Variants in POU6F2 observed in about 807,000 individuals in gnomAD.
POU6F2 encodes POU domain, class 6, transcription factor 2.
In POU6F2, 31 loss-of-function variants were observed where a neutral mutation model predicts 71.3. The observed-to-expected ratio is 0.43, with a 90% CI of 0.33 to 0.59. The LOEUF is 0.59. POU6F2 is among the 20% of genes least tolerant of loss of function. The pLI is 0.04. For missense variants in POU6F2, 783 were observed against 856.8 expected, an observed-to-expected ratio of 0.91 and a Z score of 1.07; for synonymous variants, 347 against 355.7, an observed-to-expected ratio of 0.98 and a Z score of 0.27.
chr7:39,378,333 C>T (rs138926985), intron 5 of POU6F2, among the ~76,000 whole-genome samples: 8 of 152,340 alleles, frequency 5.3e-5, no homozygotes, highest in Non-Finnish European at 8.8e-5. Context: ...GAGGCTCCAG[C>T]ACTGACCTCC....
intron 4 of POU6F2, among the ~76,000 whole-genome samples, chr7:39,226,198 C>T (rs570797373): frequency 1.3e-5 from 2 of 152,120 alleles, no homozygotes; most frequent in Admixed American, 1.3e-4. Flanking sequence ...AACTAAAAGT[C>T]CCATCTGGAA....
chr7:39,461,813 C>T (rs1788956420), intron 9 of POU6F2, among the ~76,000 whole-genome samples: 1 of 152,168 alleles, frequency 6.6e-6, no homozygotes, highest in Non-Finnish European at 1.5e-5. Context: ...TAAGATACCT[C>T]CCTGTAGAAA....
intron 4 of POU6F2, among the ~76,000 whole-genome samples, chr7:39,246,478 T>G (rs184901507): frequency 9.9e-4 from 151 of 152,294 alleles, no homozygotes; most frequent in African/African-American, 3.0e-3. Flanking sequence ...GTGGAAGATG[T>G]GACCAAGTGG....
rs553537438 is a variant in POU6F2, at chr7:39,194,694, G to A, written c.278-9541G>A. Among the ~76,000 whole-genome samples the A allele has an allele frequency of 2.6e-5, 4 of 152,302 alleles. No homozygotes were observed. In the South Asian group the frequency reaches 8.3e-4, roughly 32 times the overall value. On this transcript the variant is annotated intron_variant, in intron 2 of 9. Transcript: ENST00000518318. ...CCACTCCGGTCCCCTTCTACGCTGT[G>A]GGATATTTGTTCTTTCGTTCTTCAC...
chr7:39,225,248 A>G (rs945836034), intron 4 of POU6F2, among the ~76,000 whole-genome samples: 2 of 152,126 alleles, frequency 1.3e-5, no homozygotes, highest in Admixed American at 6.6e-5. Context: ...ATCTTGGCTC[A>G]CTTCAACCTC....
chr7:39,063,395 A>C (rs1790696645), intron 1 of POU6F2, among the ~76,000 whole-genome samples: 1 of 152,174 alleles, frequency 6.6e-6, no homozygotes, highest in African/African-American at 2.4e-5. Context: ...TTCCTTGAGG[A>C]AAGAAAGCAT....
At chr7:39,271,545 A>G (rs1784339539) in intron 4 of POU6F2, among the ~76,000 whole-genome samples, 1 of 150,632 alleles carries the variant, frequency 6.6e-6, no homozygotes. Flanking sequence ...CCTACAGCCA[A>G]GGAATCACAG....
chr7:39,283,840 C>G (rs1784606497), intron 4 of POU6F2, among the ~76,000 whole-genome samples: 1 of 152,188 alleles, frequency 6.6e-6, no homozygotes. Context: ...ATTTTCCTTT[C>G]TAACTTTTTA....
At chr7:39,355,798 C>T (rs1786243831) in intron 5 of POU6F2, among the ~76,000 whole-genome samples, 1 of 152,018 alleles carries the variant, frequency 6.6e-6, no homozygotes. Flanking sequence ...AAATGAGAGA[C>T]TAAGTAATAT....
intron 2 of POU6F2, among the ~76,000 whole-genome samples, chr7:39,195,109 T>C (rs1366238373): frequency 6.6e-6 from 1 of 152,214 alleles, no homozygotes; most frequent in Non-Finnish European, 1.5e-5. Flanking sequence ...ATTTTTTTCT[T>C]GGAAAAATTA....
chr7:39,233,701 C>G (rs146425516), intron 4 of POU6F2, among the ~76,000 whole-genome samples: 1 of 152,236 alleles, frequency 6.6e-6, no homozygotes, highest in Non-Finnish European at 1.5e-5. Context: ...TAGCGGACCC[C>G]CAGAGAAAGC....
At chr7:39,276,711 A>C (rs1238989151) in intron 4 of POU6F2, among the ~76,000 whole-genome samples, 19 of 152,080 alleles carry the variant, frequency 1.2e-4, no homozygotes, top group Non-Finnish European at 1.8e-4. Flanking sequence ...ACCATGGAAT[A>C]CTATGCATCC....
chr7:39,034,115 A>G (rs1323141431), intron 1 of POU6F2, among the ~76,000 whole-genome samples: 1 of 152,204 alleles, frequency 6.6e-6, no homozygotes, highest in Non-Finnish European at 1.5e-5. Context: ...ATGCATCATA[A>G]TGAAGGTGAT....
At chr7:39,246,272 C>T (rs996589290) in intron 4 of POU6F2, among the ~76,000 whole-genome samples, 13 of 152,114 alleles carry the variant, frequency 8.5e-5, no homozygotes, top group African/African-American at 2.7e-4. Context: ...CCAAGGAAGG[C>T]CTGGTTTCTG....
chr7:39,276,825 T>G lies in POU6F2; in HGVS notation c.599-62817T>G, dbSNP rs542267986. The stretch of plus-strand genomic sequence containing the variant: ...GGACAAAAAACCAAACACCGCATGT[T>G]CTCAGTCATAGATGGGAATTGAACA... On this transcript the variant is annotated intron_variant, in intron 4 of 9. Coordinates refer to ENST00000518318, the MANE Select transcript of POU6F2 (RefSeq NM_001370959.1). 5.7e-4 allele frequency among the ~76,000 whole-genome samples: 86 copies of G among 150,876 alleles called. 2 individuals are homozygous for G. In the South Asian group the frequency reaches 0.017, roughly 30 times the overall value.
chr7:39,176,926 G>T (rs536146998), intron 2 of POU6F2, among the ~76,000 whole-genome samples: 1 of 152,284 alleles, frequency 6.6e-6, no homozygotes, highest in Non-Finnish European at 1.5e-5. Flanking sequence ...TGGAAGGAAT[G>T]GACCTTATTT....
At chr7:39,026,697 A>G (rs182930797) in intron 1 of POU6F2, among the ~76,000 whole-genome samples, 2 of 152,256 alleles carry the variant, frequency 1.3e-5, no homozygotes, top group Admixed American at 1.3e-4. Context: ...ACATGTATAC[A>G]TATGTAACTA....
At chr7:39,272,560 C>A (rs1351138147) in intron 4 of POU6F2, among the ~76,000 whole-genome samples, 6 of 151,828 alleles carry the variant, frequency 4.0e-5, no homozygotes, top group African/African-American at 1.5e-4. Context: ...TGGGGAGAAA[C>A]CTTTTGTTGA....
intron 1 of POU6F2, among the ~76,000 whole-genome samples, chr7:38,994,111 T>C (rs879702266): frequency 2.0e-5 from 3 of 152,174 alleles, no homozygotes; most frequent in Admixed American, 1.3e-4. Context: ...ATAAATATCA[T>C]GTCATCTCTT....
Sources: allele counts gnomAD v4.1 joint callset (sites outside exome capture counted in the v4.1 genomes callset), GRCh38; gene constraint gnomAD v4.1.1; transcripts MANE v1.5; gene names NCBI Gene and HGNC (gene_info 2026-07-23, HGNC 2026-07-21).